The following DST variants were observed in gnomAD, a reference collection of about 807,000 sequenced individuals.
DST encodes the protein dystonin, also known as bullous pemphigoid antigen.
In DST, 253 loss-of-function variants were observed where a neutral mutation model predicts 875.2. The observed-to-expected ratio is 0.29, with a 90% CI of 0.26 to 0.32. DST has a LOEUF of 0.32. Ranked by LOEUF, DST falls within the 10% of genes least tolerant of loss-of-function variation. DST has a pLI of 1.00. For synonymous variants in DST, 3,124 were observed against 3,197.1 expected, an observed-to-expected ratio of 0.98 and a Z score of 0.77; for missense variants, 8,287 against 9,111.6, an observed-to-expected ratio of 0.91 and a Z score of 3.68.
chr6:56,608,722 A>C lies in DST; in HGVS notation c.5906T>G (p.Ile1969Ser). Residue 1969 changes from isoleucine (I) to serine (S), a missense_variant, in exon 40 of 104, where the codon ATT becomes AGT. Ile to Ser is a moderately radical substitution (Grantham distance 142). Coordinates refer to ENST00000680361, the MANE Select transcript of DST (RefSeq NM_001374736.1). ...ITLKCGRNIS[I>S]LRAAHEGLID... ...GAGACCTTCATGAGCTGCTCTTAAAATGCTTATGTTTCTTCCACATTTTAA... is the reference window on the plus strand; with the variant it reads ...GAGACCTTCATGAGCTGCTCTTAAACTGCTTATGTTTCTTCCACATTTTAA... 6.2e-7 allele frequency: 1 copy of C among 1,611,432 alleles called. No individual in the cohort carries two copies. The highest frequency in any genetic ancestry group is 8.5e-7 in the Non-Finnish European group (1 of 1,178,694).
intron 4 of DST, among the ~76,000 whole-genome samples, chr6:56,805,325 T>C (rs1462779133): frequency 1.3e-5 from 2 of 152,184 alleles, no homozygotes; most frequent in Non-Finnish European, 2.9e-5. Context: ...ACATTCACTA[T>C]TGGAAGACAA....
At chr6:56,489,423 G>A in intron 86 of DST, 67 bp downstream of exon 86, 1 of 1,464,262 alleles carries the variant, frequency 6.8e-7, no homozygotes, top group Non-Finnish European at 9.1e-7. Context: ...ACGTGATGAA[G>A]TAAGGATTTT....
chr6:56,637,505 T>A (rs1286072159), intron 22 of DST, among the ~76,000 whole-genome samples: 1 of 152,180 alleles, frequency 6.6e-6, no homozygotes, highest in Non-Finnish European at 1.5e-5. Context: ...TTATGTCGGT[T>A]TCTCTTTGTT....
At chr6:56,783,183 A>T (rs890657283) in intron 4 of DST, among the ~76,000 whole-genome samples, 1 of 152,146 alleles carries the variant, frequency 6.6e-6, no homozygotes, top group African/African-American at 2.4e-5. Context: ...TGTGGTGCTG[A>T]AAAAAATGTA....
intron 4 of DST, among the ~76,000 whole-genome samples, chr6:56,824,160 C>T (rs1388547450): frequency 1.3e-5 from 2 of 152,138 alleles, no homozygotes; most frequent in African/African-American, 2.4e-5. Context: ...AGGCGCGCGC[C>T]GCCACGCCTG....
intron 99 of DST, among the ~76,000 whole-genome samples, chr6:56,464,957 C>T (rs755501428): frequency 1.3e-5 from 2 of 152,162 alleles, no homozygotes. Flanking sequence ...TGTGCCACAG[C>T]CATGCTAACC....
intron 45 of DST, among the ~76,000 whole-genome samples, chr6:56,599,671 C>A (rs1489636181): frequency 6.6e-6 from 1 of 151,934 alleles, no homozygotes; most frequent in African/African-American, 2.4e-5. Flanking sequence ...TAAAAAGGAA[C>A]AAATCACAAG....
At position 56,605,380 on chromosome 6, in the gene DST, T is replaced by A. The variant is rs763346128; in HGVS notation, c.9248A>T (p.Asp3083Val). 2 of 1,612,768 alleles carry A rather than the reference T, an allele frequency of 1.2e-6. No individual in the cohort carries two copies. Among genetic ancestry groups the A allele is most frequent in the Non-Finnish European group, 8.5e-7 (1 of 1,179,272 alleles). The part of the protein sequence containing the change: ...LKLLPGKNTR[D>V]SFKLINSQFP... ...CTGACTATTAATTAACTTGAAACTA[T>A]CCCTTGTATTTTTACCAGGCAAAAG... The change falls in exon 40 of 104, where the codon GAT becomes GTT. Residue 3083 changes from aspartate (D) to valine (V), a missense_variant. This residue lies in a region of DST where 3,138 missense variants were observed against 3,116.6 expected (regional missense o/e 1.01). Transcript: ENST00000680361.
At chr6:56,560,108 A>G (rs2097512403) in intron 58 of DST, among the ~76,000 whole-genome samples, 186 bp downstream of exon 58, 1 of 152,140 alleles carries the variant, frequency 6.6e-6, no homozygotes. Flanking sequence ...CATAAAAAAC[A>G]TAAGATATGC....
At position 56,903,754 on chromosome 6, in the gene DST, G is replaced by A. The variant is rs193256115; in HGVS notation, c.217-3133C>T. 3.3e-5 allele frequency among the ~76,000 whole-genome samples: 5 copies of A among 152,158 alleles called. No individual in the cohort carries two copies. The East Asian group carries it at 7.7e-4, about 24-fold the overall frequency. On this transcript the variant is annotated intron_variant, in intron 2 of 103. Coordinates refer to ENST00000680361, the MANE Select transcript of DST (RefSeq NM_001374736.1). Reference sequence around the variant, plus strand: ...ATTACAGGTGTAAGCCATCGCATGCGGCCAAAAATTCTAAACCACTTAAAT... The same window carrying A: ...ATTACAGGTGTAAGCCATCGCATGCAGCCAAAAATTCTAAACCACTTAAAT...
intron 22 of DST, 21 bp from the exon 23 acceptor site, chr6:56,636,673 AT>A: frequency 1.3e-6 from 2 of 1,591,216 alleles, no homozygotes; most frequent in African/African-American, 1.3e-5. Flanking sequence ...AAACAGAGCC[AT>A]CATAACTGAC....
chr6:56,791,800 A>G (rs1006178905), intron 4 of DST, among the ~76,000 whole-genome samples: 11 of 151,828 alleles, frequency 7.2e-5, no homozygotes, highest in East Asian at 5.8e-4. Flanking sequence ...AAAAAAAAAA[A>G]AAAGAAAGAA....
intron 9 of DST, among the ~76,000 whole-genome samples, chr6:56,671,638 TA>T (rs1390229027): frequency 1.3e-5 from 2 of 152,184 alleles, no homozygotes; most frequent in African/African-American, 4.8e-5. Context: ...TGCTGATAAT[TA>T]TATTAAGGCA....
rs1182407897 is a variant in DST, at chr6:56,648,583, G to C, written c.1541C>G (p.Pro514Arg). ...TMSERTFPNN[P>R]VELKALYNQY... ...AGTGACACTAACCTTCAGTTCTACAGGATTATTAGGAAATGTTCTCTCAGA... is the reference window on the plus strand; with the variant it reads ...AGTGACACTAACCTTCAGTTCTACACGATTATTAGGAAATGTTCTCTCAGA... Residue 514 changes from proline (P) to arginine (R), a missense_variant, in exon 13 of 104, where the codon CCT becomes CGT. Pro to Arg is a moderately radical substitution (Grantham distance 103). Transcript: ENST00000680361. 1.0e-5 allele frequency: 16 copies of C among 1,580,384 alleles called. No homozygotes were observed. The highest frequency in any genetic ancestry group is 1.2e-5 in the Non-Finnish European group (14 of 1,160,872).
chr6:56,613,784 G>A (rs2098578695), intron 37 of DST, among the ~76,000 whole-genome samples: 1 of 152,158 alleles, frequency 6.6e-6, no homozygotes, highest in African/African-American at 2.4e-5. Flanking sequence ...GGATACAGAA[G>A]ATAGCCCGTT....
At chr6:56,772,726 A>T (rs2099669601) in intron 4 of DST, among the ~76,000 whole-genome samples, 1 of 152,194 alleles carries the variant, frequency 6.6e-6, no homozygotes, top group African/African-American at 2.4e-5. Context: ...TTCCTCAGGA[A>T]TGTTGCTGCC....
At chr6:56,711,471 T>C (rs1284241042) in intron 5 of DST, among the ~76,000 whole-genome samples, 1 of 152,182 alleles carries the variant, frequency 6.6e-6, no homozygotes, top group Non-Finnish European at 1.5e-5. Context: ...AGAAAACAGA[T>C]AAAAAATCTA....
intron 3 of DST, among the ~76,000 whole-genome samples, chr6:56,858,676 T>A (rs1470822154): frequency 6.6e-6 from 1 of 152,174 alleles, no homozygotes. Flanking sequence ...TTCAACATGT[T>A]AATTTCAGTT....
At position 56,593,736 on chromosome 6, in the gene DST, G is replaced by A. The variant is rs370019412; in HGVS notation, c.12653C>T (p.Thr4218Ile). The change falls in exon 48 of 104, where the codon ACT (threonine) becomes ATT (isoleucine). Residue 4218 changes from threonine (T) to isoleucine (I), a missense_variant. Thr to Ile is a moderately conservative substitution (Grantham distance 89). Around this residue, in one of 10 missense-constraint regions of DST, gnomAD observed 1,513 missense variants for 1,677.8 expected, o/e 0.90. Coordinates refer to ENST00000680361, the MANE Select transcript of DST (RefSeq NM_001374736.1). ...CSKRDGGKVD[T>I]SATHREVQRK... ...CTGCACTTCTCTGTGGGTTGCAGAA[G>A]TATCAACCTTGCCACCGTCTCTCTT... is the stretch of plus-strand genomic sequence containing the variant. 2 of 1,613,830 alleles carry A rather than the reference G, an allele frequency of 1.2e-6. No individual in the cohort carries two copies. The highest frequency in any genetic ancestry group is 1.7e-6 in the Non-Finnish European group (2 of 1,179,794).
Sources: allele counts gnomAD v4.1 joint callset (sites outside exome capture counted in the v4.1 genomes callset), GRCh38; gene constraint gnomAD v4.1.1; regional missense constraint gnomAD v4.1.1; transcripts MANE v1.5; gene names NCBI Gene and HGNC (gene_info 2026-07-23, HGNC 2026-07-21).